The following GPC6 variants were observed in gnomAD, a reference collection of about 807,000 sequenced individuals.
The protein encoded by GPC6 is glypican 6, also known as glypican-6.
GPC6 carries 14 observed loss-of-function variants against 55.2 expected under a neutral mutation model. The observed-to-expected ratio is 0.25, with a 90% CI of 0.17 to 0.40. GPC6 has a LOEUF of 0.40. Ranked by LOEUF, GPC6 falls within the 10% of genes least tolerant of loss-of-function variation. GPC6 has a pLI of 1.00. For missense variants in GPC6, 641 were observed against 708.5 expected, an observed-to-expected ratio of 0.90 and a Z score of 1.08; for synonymous variants, 278 against 259.6, an observed-to-expected ratio of 1.07 and a Z score of -0.68.
chr13:94,097,506 C>CAAAAAA (rs869307863), intron 4 of GPC6, among the ~76,000 whole-genome samples: 81 of 70,198 alleles, frequency 1.2e-3, no homozygotes, highest in African/African-American at 3.9e-3. Context: ...GACTCTGTCT[C>CAAAAAA]AAAAAAAAAA....
At chr13:94,138,203 GC>G (rs1005711690) in intron 4 of GPC6, among the ~76,000 whole-genome samples, 1 of 152,140 alleles carries the variant, frequency 6.6e-6, no homozygotes, top group Non-Finnish European at 1.5e-5. Flanking sequence ...GATTAGGGAT[GC>G]TCAACCATTA....
At chr13:94,376,630 T>C (rs1594219754) in intron 6 of GPC6, among the ~76,000 whole-genome samples, 1 of 151,862 alleles carries the variant, frequency 6.6e-6, no homozygotes, top group Non-Finnish European at 1.5e-5. Context: ...CTGCCCAAGG[T>C]AATTTACAGA....
intron 1 of GPC6, among the ~76,000 whole-genome samples, chr13:93,304,059 G>A (rs945435488): frequency 4.6e-5 from 7 of 151,932 alleles, no homozygotes; most frequent in South Asian, 2.1e-4. Flanking sequence ...GTAGAGACGG[G>A]ATTTCACCAT....
At chr13:93,956,650 C>T (rs1163171005) in intron 3 of GPC6, among the ~76,000 whole-genome samples, 1 of 152,188 alleles carries the variant, frequency 6.6e-6, no homozygotes, top group Non-Finnish European at 1.5e-5. Context: ...TCAGCACATA[C>T]CCTGCACTAA....
intron 1 of GPC6, among the ~76,000 whole-genome samples, chr13:93,250,855 C>T (rs1046649101): frequency 3.3e-5 from 5 of 152,170 alleles, no homozygotes; most frequent in East Asian, 1.9e-4. Flanking sequence ...CTGATAAAGA[C>T]ATATCCAAGA....
chr13:93,782,124 C>G (rs1448403104), intron 2 of GPC6, among the ~76,000 whole-genome samples: 2 of 152,138 alleles, frequency 1.3e-5, no homozygotes, highest in Admixed American at 1.3e-4. Flanking sequence ...CACCACTGCA[C>G]TCTCTGCTTG....
chr13:93,840,847 C>G (rs1887929176), intron 3 of GPC6, among the ~76,000 whole-genome samples: 3 of 152,122 alleles, frequency 2.0e-5, no homozygotes. Context: ...AAAAAAGACC[C>G]AAGGATAAAA....
At chr13:94,194,359 A>AT (rs1039944928) in intron 4 of GPC6, among the ~76,000 whole-genome samples, 2 of 151,938 alleles carry the variant, frequency 1.3e-5, no homozygotes, top group Non-Finnish European at 2.9e-5. Context: ...AGTGTCCTGC[A>AT]TTTTTTTCTG....
intron 1 of GPC6, among the ~76,000 whole-genome samples, chr13:93,419,585 G>T (rs755689703): frequency 6.6e-6 from 1 of 152,070 alleles, no homozygotes; most frequent in Non-Finnish European, 1.5e-5. Flanking sequence ...ACGGAAATGT[G>T]TATTTTTATA....
chr13:94,206,816 G>A (rs920081489), intron 4 of GPC6, among the ~76,000 whole-genome samples: 1 of 152,142 alleles, frequency 6.6e-6, no homozygotes, highest in Admixed American at 6.6e-5. Flanking sequence ...TCGCGCCACT[G>A]CATTCCAACC....
At chr13:93,521,118 C>A (rs147144332) in intron 1 of GPC6, among the ~76,000 whole-genome samples, 3 of 151,954 alleles carry the variant, frequency 2.0e-5, no homozygotes, top group African/African-American at 7.2e-5. Context: ...ATAAGGAAAT[C>A]TTTTAGTGGA....
At chr13:93,771,296 G>A (rs563338539) in intron 2 of GPC6, among the ~76,000 whole-genome samples, 3 of 152,192 alleles carry the variant, frequency 2.0e-5, no homozygotes, top group Admixed American at 6.5e-5. Context: ...TTCCTTCCTC[G>A]GTGAAAGGCT....
chr13:93,789,301 A>G (rs189667644), intron 2 of GPC6, among the ~76,000 whole-genome samples: 16 of 151,982 alleles, frequency 1.1e-4, no homozygotes, highest in African/African-American at 3.4e-4. Flanking sequence ...GGGGTTGTCA[A>G]TAATCCGTGA....
At chr13:93,430,069 T>C (rs1191651920) in intron 1 of GPC6, among the ~76,000 whole-genome samples, 1 of 152,084 alleles carries the variant, frequency 6.6e-6, no homozygotes, top group Non-Finnish European at 1.5e-5. Context: ...CTGTGACAAT[T>C]TTACTATAGT....
intron 1 of GPC6, among the ~76,000 whole-genome samples, chr13:93,542,295 G>T (rs1334636610): frequency 1.3e-5 from 2 of 152,102 alleles, no homozygotes; most frequent in East Asian, 3.8e-4. Flanking sequence ...TTTCCCCATT[G>T]CTTGTTTTTC....
chr13:93,219,056 C>T, the GPC6 span, among the ~76,000 whole-genome samples: 1 of 147,072 alleles, frequency 6.8e-6, no homozygotes, highest in Admixed American at 6.8e-5. Context: ...TATCATCAAC[C>T]TGGCTGTTTT....
At chr13:93,810,074 C>T (rs1411505) in intron 2 of GPC6, among the ~76,000 whole-genome samples, 56,705 of 151,558 alleles carry the variant, frequency 0.37, 11,376 homozygotes, top group African/African-American at 0.52. Flanking sequence ...TCCTTCCCTA[C>T]GCATATTGTC....
chr13:93,643,491 C>G (rs1229553193), intron 2 of GPC6, among the ~76,000 whole-genome samples: 1 of 152,088 alleles, frequency 6.6e-6, no homozygotes, highest in Admixed American at 6.6e-5. Flanking sequence ...ATAGGCTGAA[C>G]AGAGGTAGGC....
intron 2 of GPC6, among the ~76,000 whole-genome samples, chr13:93,781,959 A>G (rs971279359): frequency 1.3e-5 from 2 of 152,188 alleles, no homozygotes; most frequent in African/African-American, 4.8e-5. Flanking sequence ...AACATTTAAA[A>G]TCTACTTTTT....
Sources: allele counts gnomAD v4.1 joint callset (sites outside exome capture counted in the v4.1 genomes callset), GRCh38; gene constraint gnomAD v4.1.1; transcripts MANE v1.5; gene names NCBI Gene and HGNC (gene_info 2026-07-23, HGNC 2026-07-21).